The following REPS2 variants were observed in gnomAD, a reference collection of about 807,000 sequenced individuals.
The protein encoded by REPS2 is RALBP1 associated Eps domain containing 2, also known as ralBP1-associated Eps domain-containing protein 2.
A neutral mutation model predicts 53.6 loss-of-function variants in REPS2; 23 were observed. That is an observed-to-expected ratio of 0.43 (90% confidence interval 0.31 to 0.61). REPS2 has a LOEUF of 0.61. Among genes scored for constraint, REPS2 ranks in the 20% least tolerant of loss-of-function variants. The pLI, the probability that REPS2 is intolerant of heterozygous loss-of-function variation, is 0.11. For missense variants in REPS2, 446 were observed against 534.9 expected (o/e 0.83, Z 1.64); for synonymous variants, 238 against 218.6 (o/e 1.09, Z -0.78).
rs1052505806 is a variant in REPS2 at position 17,128,635 on chromosome X, G to A, written c.1579-5189G>A. Among the ~76,000 whole-genome samples the A allele has an allele frequency of 2.7e-5, 3 of 112,003 alleles. No homozygotes were observed. In the East Asian group the frequency reaches 8.4e-4, roughly 31 times the overall value. On this transcript the variant is annotated intron_variant, in intron 14 of 17. Transcript: ENST00000357277. ...TACCAGAGGTACGAAAAAAATATCT[G>A]TGTAATTGAATAAATGAATGCATAG...
At chrX:17,008,138 T>C (rs1422756489) in intron 2 of REPS2, among the ~76,000 whole-genome samples, 2 of 112,499 alleles carry the variant, frequency 1.8e-5, no homozygotes, top group African/African-American at 6.5e-5. Flanking sequence ...GCAGGCTTAG[T>C]ATTCATTGCT....
chrX:17,145,335 A>G (rs1370482369), intron 17 of REPS2, among the ~76,000 whole-genome samples: 1 of 111,417 alleles, frequency 9.0e-6, no homozygotes, highest in East Asian at 2.8e-4. Flanking sequence ...AACCTAATTT[A>G]TGTCTCAAGC....
chrX:16,953,593 C>G (rs2060551398), intron 1 of REPS2, among the ~76,000 whole-genome samples: 1 of 112,363 alleles, frequency 8.9e-6, no homozygotes, highest in South Asian at 3.6e-4. Context: ...GTCTTTTCAA[C>G]TTAAGGAATA....
At chrX:16,951,126 T>C (rs755078353) in intron 1 of REPS2, among the ~76,000 whole-genome samples, 311 of 112,319 alleles carry the variant, frequency 2.8e-3, no homozygotes, top group African/African-American at 8.9e-3. Context: ...ACACTATGCC[T>C]TCTAGTAAAA....
chrX:16,971,720 C>T, intron 1 of REPS2, among the ~76,000 whole-genome samples: 1 of 112,045 alleles, frequency 8.9e-6, no homozygotes. Context: ...AGGGGTACAA[C>T]TTCATACTTT....
intron 14 of REPS2, among the ~76,000 whole-genome samples, chrX:17,132,779 C>T: frequency 8.9e-6 from 1 of 111,770 alleles, no homozygotes; most frequent in Non-Finnish European, 1.9e-5. Flanking sequence ...CTCAGGTGAT[C>T]CGCCTGCTTC....
At chrX:16,952,201 A>G (rs1246605997) in intron 1 of REPS2, among the ~76,000 whole-genome samples, 2 of 110,996 alleles carry the variant, frequency 1.8e-5, no homozygotes, top group Non-Finnish European at 3.8e-5. Context: ...TACATTAGGT[A>G]TTTCTCCTAA....
chrX:17,120,045 T>A (rs1218444674), intron 14 of REPS2, among the ~76,000 whole-genome samples: 1 of 109,984 alleles, frequency 9.1e-6, no homozygotes, highest in African/African-American at 3.3e-5. Context: ...TCCGGCTAAT[T>A]TTTGTATTTT....
At chrX:17,177,458 TAGAG>T in the REPS2 span, among the ~76,000 whole-genome samples, 1 of 111,574 alleles carries the variant, frequency 9.0e-6, no homozygotes, top group East Asian at 2.8e-4. Context: ...CTAGAAAACA[TAGAG>T]GGGCTCATTA....
intron 11 of REPS2, among the ~76,000 whole-genome samples, chrX:17,070,626 C>T (rs1231611851): frequency 1.8e-5 from 2 of 111,924 alleles, no homozygotes; most frequent in Non-Finnish European, 3.8e-5. Context: ...GAAGACATTA[C>T]TATTTGGAGC....
At chrX:17,115,216 GGAT>G (rs1243677346) in intron 14 of REPS2, among the ~76,000 whole-genome samples, 14 of 105,705 alleles carry the variant, frequency 1.3e-4, no homozygotes, top group Non-Finnish European at 6.0e-5. Flanking sequence ...TCAGAGAGGG[GGAT>G]GTGGCAGGGT....
intron 9 of REPS2, among the ~76,000 whole-genome samples, chrX:17,064,360 A>G (rs2062198868): frequency 8.9e-6 from 1 of 111,972 alleles, no homozygotes; most frequent in Non-Finnish European, 1.9e-5. Flanking sequence ...CTTTTAATCT[A>G]TCATGAATGC....
At chrX:16,987,244 A>G (rs1248327445) in intron 1 of REPS2, among the ~76,000 whole-genome samples, 3 of 110,702 alleles carry the variant, frequency 2.7e-5, no homozygotes, top group African/African-American at 9.9e-5. Context: ...TGTCTTATAA[A>G]TACTTTAAGG....
chrX:16,947,067 C>T lies in REPS2; in HGVS notation c.206C>T (p.Thr69Ile). ...GCCAGAGTCGCCCCCGGCACGGCCA[C>T]TGCGGCCGCCGGCCCCGTGGCTGAC... ...EAARVAPGTA[T>I]AAAGPVADLF... The change falls in exon 1 of 18, where the codon ACT (threonine) becomes ATT (isoleucine). Residue 69 changes from threonine (T) to isoleucine (I), a missense_variant. Thr to Ile is a moderately conservative substitution (Grantham distance 89). Transcript: ENST00000357277. 1 of 1,060,430 alleles carries T rather than the reference C, an allele frequency of 9.4e-7. No individual in the cohort carries two copies. The highest frequency in any genetic ancestry group is 3.6e-4 in the Middle Eastern group (1 of 2,743). The allele number at this position is 1,060,430 out of a possible 1,213,427, so 87.4% of individuals were successfully genotyped here. A position where few individuals can be genotyped will look rare whatever the true frequency, so the allele number is the denominator to read the frequency against.
chrX:17,119,408 A>G (rs771963532), intron 14 of REPS2, among the ~76,000 whole-genome samples: 26 of 112,303 alleles, frequency 2.3e-4, no homozygotes, highest in South Asian at 7.4e-4. Flanking sequence ...TCCTCATTAT[A>G]TTATGCCCAT....
chrX:17,048,663 A>G (rs986376270), intron 6 of REPS2, among the ~76,000 whole-genome samples: 6 of 111,762 alleles, frequency 5.4e-5, no homozygotes, highest in African/African-American at 2.0e-4. Context: ...GCGGTACCAT[A>G]ACAGTATCAC....
At chrX:17,034,460 C>A (rs991954031) in intron 5 of REPS2, among the ~76,000 whole-genome samples, 14 of 110,650 alleles carry the variant, frequency 1.3e-4, no homozygotes, top group African/African-American at 4.3e-4. Flanking sequence ...CCATGCCCAG[C>A]TAATTTTGTA....
At chrX:17,135,092 G>T (rs1197344750) in intron 15 of REPS2, among the ~76,000 whole-genome samples, 169 bp from the exon 16 acceptor site, 2 of 110,888 alleles carry the variant, frequency 1.8e-5, no homozygotes, top group African/African-American at 3.3e-5. Flanking sequence ...AAGACCACTG[G>T]ACTCTGATGC....
At chrX:17,092,288 C>T (rs905397833) in intron 13 of REPS2, among the ~76,000 whole-genome samples, 11 of 111,575 alleles carry the variant, frequency 9.9e-5, no homozygotes, top group Non-Finnish European at 1.9e-4. Context: ...AATTTCTAAG[C>T]GTAATGAAAT....
Sources: allele counts gnomAD v4.1 joint callset (sites outside exome capture counted in the v4.1 genomes callset), GRCh38; gene constraint gnomAD v4.1.1; transcripts MANE v1.5; gene names NCBI Gene and HGNC (gene_info 2026-07-23, HGNC 2026-07-21).